Variants in PALLD observed in about 807,000 individuals in gnomAD.
PALLD encodes palladin.
PALLD carries 61 observed loss-of-function variants against 123.5 expected under a neutral mutation model. That is an observed-to-expected ratio of 0.49 (90% CI 0.40 to 0.61). PALLD has a LOEUF of 0.61. Among genes scored for constraint, PALLD ranks in the 20% least tolerant of loss-of-function variants. The pLI is 0.00. For synonymous variants in PALLD, 465 were observed against 496.4 expected (o/e 0.94, Z 0.84); for missense variants, 1,273 against 1,377.0 (o/e 0.92, Z 1.20).
At chr4:168,760,827 T>C (rs1448853793) in intron 10 of PALLD, among the ~76,000 whole-genome samples, 1 of 152,250 alleles carries the variant, frequency 6.6e-6, no homozygotes, top group East Asian at 1.9e-4. Flanking sequence ...CCTATTGTTT[T>C]TCTTGTAACT....
In PALLD at chr4:168,905,781, CTTTT is replaced by C. The variant is rs201314551; in HGVS notation, c.2622+1880_2622+1883del. Among the ~76,000 whole-genome samples, 694 of 99,148 alleles carry C rather than the reference CTTTT, an allele frequency of 7.0e-3. 5 individuals are homozygous for C. Among genetic ancestry groups the C allele is most frequent in the African/African-American group, 0.022 (650 of 29,058 alleles). The allele number at this position is 99,148 out of a possible 152,430, so 65.0% of individuals were successfully genotyped here. ...TATGAAGAAACAAAAGCGGAACTTG[CTTTT>C]TTTTCTTTTTTTTTTTTTTTTTTTT... is the stretch of plus-strand genomic sequence containing the variant. On this transcript the variant is annotated intron_variant, in intron 15 of 21. Transcript: ENST00000505667.
intron 10 of PALLD, among the ~76,000 whole-genome samples, chr4:168,860,941 T>C (rs182233221): frequency 1.1e-4 from 17 of 152,288 alleles, no homozygotes; most frequent in African/African-American, 4.1e-4. Flanking sequence ...ATGGAAGAAA[T>C]TGAAGAAGCT....
chr4:168,693,747 T>G (rs948824704), intron 8 of PALLD, among the ~76,000 whole-genome samples: 5 of 152,340 alleles, frequency 3.3e-5, no homozygotes, highest in African/African-American at 1.2e-4. Flanking sequence ...CCTACGATGA[T>G]TTCTCCACAA....
intron 2 of PALLD, among the ~76,000 whole-genome samples, chr4:168,620,422 T>C (rs1271130336): frequency 6.6e-6 from 1 of 152,158 alleles, no homozygotes; most frequent in African/African-American, 2.4e-5. Context: ...ACCACCGCAC[T>C]GCAACCTGGG....
chr4:168,891,839 C>T (rs1754196641), intron 11 of PALLD, among the ~76,000 whole-genome samples: 1 of 152,112 alleles, frequency 6.6e-6, no homozygotes, highest in South Asian at 2.1e-4. Context: ...GTATGTACTA[C>T]TTACACACGC....
intron 2 of PALLD, among the ~76,000 whole-genome samples, chr4:168,653,301 C>T (rs1580778167): frequency 6.6e-6 from 1 of 152,150 alleles, no homozygotes; most frequent in East Asian, 1.9e-4. Context: ...ACACTAAAGG[C>T]TATAGGGAGA....
chr4:168,763,977 T>C (rs1351959748), intron 10 of PALLD, among the ~76,000 whole-genome samples: 2 of 152,202 alleles, frequency 1.3e-5, no homozygotes, highest in African/African-American at 4.8e-5. Flanking sequence ...TGTTTATTTA[T>C]TCATATGTGT....
chr4:168,850,523 CTTTTTTTTTTTTTTT>C lies in PALLD; in HGVS notation c.1965-40385_1965-40371del, dbSNP rs767777801. Among the ~76,000 whole-genome samples the C allele has an allele frequency of 1.1e-3, 37 of 34,710 alleles. 2 individuals are homozygous for C. The highest frequency in any genetic ancestry group is 4.6e-3 in the African/African-American group (35 of 7,554). 22.8% of individuals were successfully genotyped at this position (34,710 alleles called of 152,430 possible). ...TATATAATTTGTAAGTCTGTCATTTCTTTTTTTTTTTTTTTTTTTTTTTTTTTTGAGATGGAGTTT... is the reference window on the plus strand; with the variant it reads ...TATATAATTTGTAAGTCTGTCATTTCTTTTTTTTTTTTTGAGATGGAGTTT... On this transcript the variant is annotated intron_variant, in intron 10 of 21. Transcript: ENST00000505667.
chr4:168,508,533 G>A (rs1762233371), intron 1 of PALLD, among the ~76,000 whole-genome samples: 1 of 152,084 alleles, frequency 6.6e-6, no homozygotes, highest in Admixed American at 6.6e-5. Context: ...AGGTTTTGTT[G>A]CAATTATTTC....
chr4:168,612,496 G>T (rs963505851), intron 2 of PALLD, among the ~76,000 whole-genome samples: 1 of 152,176 alleles, frequency 6.6e-6, no homozygotes, highest in Non-Finnish European at 1.5e-5. Context: ...AATCTGTCCA[G>T]CAGCTGAACA....
At chr4:168,525,046 A>G (rs904050685) in intron 2 of PALLD, among the ~76,000 whole-genome samples, 1 of 152,122 alleles carries the variant, frequency 6.6e-6, no homozygotes, top group Non-Finnish European at 1.5e-5. Context: ...GTACCATTTA[A>G]TCCTTATGTT....
At chr4:168,681,872 T>C (rs1194071592) in intron 4 of PALLD, among the ~76,000 whole-genome samples, 1 of 152,182 alleles carries the variant, frequency 6.6e-6, no homozygotes, top group Non-Finnish European at 1.5e-5. Flanking sequence ...TTTTAACTTG[T>C]AAATTTGAAC....
intron 2 of PALLD, chr4:168,598,726 A>C (rs1772242399): frequency 7.3e-6 from 3 of 408,700 alleles, no homozygotes; most frequent in Non-Finnish European, 1.5e-5. Context: ...CTTGCCTCCT[A>C]TCTGGACCTG....
intron 2 of PALLD, among the ~76,000 whole-genome samples, chr4:168,550,161 G>T (rs62335465): frequency 0.12 from 17,849 of 152,196 alleles, 1,432 homozygotes; most frequent in South Asian, 0.17. Flanking sequence ...GTGGGCCTGG[G>T]ATTGTGGAGG....
intron 2 of PALLD, chr4:168,648,295 C>T (rs957936506): frequency 1.3e-5 from 2 of 151,832 alleles, no homozygotes. Context: ...GGTTTTTAAT[C>T]CATCATTAGA....
intron 2 of PALLD, among the ~76,000 whole-genome samples, chr4:168,605,901 T>C (rs1247542785): frequency 2.6e-5 from 4 of 152,202 alleles, no homozygotes; most frequent in Admixed American, 2.6e-4. Flanking sequence ...CCAATGTCAA[T>C]ATAGATTTTT....
intron 10 of PALLD, among the ~76,000 whole-genome samples, chr4:168,887,979 T>C (rs1753600918): frequency 1.3e-5 from 2 of 152,156 alleles, no homozygotes; most frequent in Admixed American, 6.5e-5. Context: ...TGATAGATGC[T>C]ATCAGGAAAA....
At chr4:168,497,886 T>C (rs1760919357) in intron 1 of PALLD, among the ~76,000 whole-genome samples, 1 of 152,222 alleles carries the variant, frequency 6.6e-6, no homozygotes, top group Admixed American at 6.5e-5. Context: ...GAATCCAATA[T>C]AGGAGGTTGA....
At chr4:168,894,328 C>T in intron 11 of PALLD, 2 of 503,006 alleles carry the variant, frequency 4.0e-6, no homozygotes, top group South Asian at 2.3e-5. Flanking sequence ...TCTTCCTTGT[C>T]GCTTATTGCT....
Sources: gnomAD v4.1 joint callset for allele counts (sites outside exome capture counted in the v4.1 genomes callset) on GRCh38, gnomAD v4.1.1 for gene constraint, MANE v1.5 for transcripts, NCBI Gene and HGNC (gene_info 2026-07-23, HGNC 2026-07-21) for gene names.